Variants in CIT observed in about 807,000 individuals in gnomAD.
CIT encodes citron rho-interacting serine/threonine kinase.
In CIT, 79 loss-of-function variants were observed where a neutral mutation model predicts 272.7. The ratio of observed to expected loss-of-function variants is 0.29; its 90% confidence interval spans 0.24 to 0.35. The LOEUF (loss-of-function observed/expected upper bound fraction) is 0.35. CIT is among the 10% of genes least tolerant of loss of function. The pLI, the probability that CIT is intolerant of heterozygous loss-of-function variation, is 1.00. For synonymous variants in CIT, 948 were observed against 995.6 expected (o/e 0.95, Z 0.90); for missense variants, 1,909 against 2,618.3 (o/e 0.73, Z 5.91).
At position 119,735,177 on chromosome 12, in the gene CIT, G is replaced by A; in HGVS notation, c.3139C>T (p.Leu1047Phe). 6.2e-7 allele frequency: 1 copy of A among 1,613,968 alleles called. No individual in the cohort carries two copies. Among genetic ancestry groups the A allele is most frequent in the Non-Finnish European group, 8.5e-7 (1 of 1,180,004 alleles). ...CTCCTTACTTGCTTCTGGCTGGTAA[G>A]CTGCATCTCTCGTTCCGTGATCTCC... ...RREITEREMQLTSQKQTMEAL... is the reference protein window; with the variant it reads ...RREITEREMQFTSQKQTMEAL... Residue 1047 changes from leucine (L) to phenylalanine (F), a missense_variant, in exon 25 of 48, where the codon CTT becomes TTT. Physicochemically the swap from Leu to Phe is conservative, Grantham distance 22. Coordinates refer to ENST00000392521, the MANE Select transcript of CIT (RefSeq NM_001206999.2).
chr12:119,857,737 C>A (rs374315115), intron 3 of CIT, 39 bp from the exon 4 acceptor site: 37 of 1,527,012 alleles, frequency 2.4e-5, no homozygotes, highest in East Asian at 2.1e-4. Flanking sequence ...GTAAATAAAG[C>A]ATGCAAATAT....
chr12:119,781,446 C>A (rs901460253), intron 13 of CIT, among the ~76,000 whole-genome samples: 11 of 152,110 alleles, frequency 7.2e-5, no homozygotes, highest in African/African-American at 2.7e-4. Context: ...GTTTGTGCTA[C>A]CCAGAGACAG....
chr12:119,714,159 A>C, intron 33 of CIT, 38 bp downstream of exon 33: 1 of 1,607,884 alleles, frequency 6.2e-7, no homozygotes, highest in Non-Finnish European at 8.5e-7. Context: ...CTGGAGATGC[A>C]CAGGTGCCCA....
chr12:119,811,268 CT>C lies in CIT; in HGVS notation c.1112-7880del, dbSNP rs1439836403. 3.3e-5 allele frequency among the ~76,000 whole-genome samples: 5 copies of C among 152,092 alleles called. No individual in the cohort carries two copies. The East Asian group carries it at 7.7e-4, about 23-fold the overall frequency. ...GCAGTCAGCTGTGACTGCATCACTG[CT>C]TTCTAGTCTGGGTAACAAAGCAAGA... On this transcript the variant is annotated intron_variant, in intron 9 of 47. Transcript: ENST00000392521.
rs1955894498 is a variant in CIT, at chr12:119,690,695, T to C, written c.5883-241A>G. Reference sequence around the variant, plus strand: ...TGCAGGCTTTCATTTACTGAGCACCTACTGTGTGCCAGGCCTGTGCTAAGT... The same window carrying C: ...TGCAGGCTTTCATTTACTGAGCACCCACTGTGTGCCAGGCCTGTGCTAAGT... On this transcript the variant is annotated intron_variant, in intron 46 of 47. Transcript: ENST00000392521. This position sits in a 1 kb window ranked among gnomAD's most constrained non-coding sequence, Gnocchi z 6.0. Among the ~76,000 whole-genome samples the C allele has an allele frequency of 2.0e-5, 3 of 152,228 alleles. No homozygotes were observed. The highest frequency in any genetic ancestry group is 2.0e-4 in the Admixed American group (3 of 15,284).
At chr12:119,779,596 T>C (rs1964100896) in intron 13 of CIT, among the ~76,000 whole-genome samples, 1 of 152,188 alleles carries the variant, frequency 6.6e-6, no homozygotes, top group Non-Finnish European at 1.5e-5. Flanking sequence ...ATCTTGAGCA[T>C]CTTTTGTCCT....
intron 10 of CIT, among the ~76,000 whole-genome samples, chr12:119,794,752 G>GGAAGCAGGGAGAAAAAGAGAGTCC (rs1965594759): frequency 1.3e-5 from 2 of 152,304 alleles, no homozygotes; most frequent in East Asian, 3.9e-4. Context: ...TTTATAAGGC[G>GGAAGCAGGGAGAAAAAGAGAGTCC]GAAGCAGGGA....
rs758108437 is a variant in CIT at position 119,832,758 on chromosome 12, T to C, written c.753+13A>G. 2.5e-6 allele frequency: 4 copies of C among 1,600,808 alleles called. No individual in the cohort carries two copies. The Admixed American group carries it at 6.7e-5, about 27-fold the overall frequency. ...GTATAAACTCTATTAAGCTATCTTA[T>C]TCCATTTTTTACCATCTTGTTTGAA... is the stretch of plus-strand genomic sequence containing the variant. On this transcript the variant is annotated intron_variant, in intron 7 of 47. Coordinates refer to ENST00000392521, the MANE Select transcript of CIT (RefSeq NM_001206999.2).
In CIT at chr12:119,710,122, TG is replaced by T; in HGVS notation, c.5071+128del. 1 of 1,025,696 alleles carries T rather than the reference TG, an allele frequency of 9.7e-7. No individual in the cohort carries two copies. 63.5% of individuals were successfully genotyped at this position (1,025,696 alleles called of 1,614,324 possible). On this transcript the variant is annotated intron_variant, in intron 39 of 47. Transcript: ENST00000392521. This position sits in a 1 kb window ranked among gnomAD's most constrained non-coding sequence, Gnocchi z 5.6. ...CCATTAGCTGAGGCTTGGGCATCTA[TG>T]GGGACACAGAGATAAGAGCTACAAC...
chr12:119,782,433 T>C (rs1964383956), intron 13 of CIT, 85 bp downstream of exon 13: 1 of 1,499,128 alleles, frequency 6.7e-7, no homozygotes, highest in African/African-American at 1.4e-5. Flanking sequence ...CCTTTCTTCC[T>C]ATTTCTCTCT....
intron 12 of CIT, 30 bp from the exon 13 acceptor site, chr12:119,782,667 GC>G: frequency 6.2e-7 from 1 of 1,612,286 alleles, no homozygotes; most frequent in South Asian, 1.1e-5. Context: ...TAATAGGGAT[GC>G]CCTGTGGATC....
intron 19 of CIT, among the ~76,000 whole-genome samples, chr12:119,765,408 CAT>C (rs111722021): frequency 4.4e-5 from 6 of 136,060 alleles, no homozygotes; most frequent in African/African-American, 1.7e-4. Context: ...TATTATATAA[CAT>C]ATATATATAT....
Position 119,776,771 on chromosome 12 carries a change from T to C in CIT, c.1737A>G (p.Arg579=), listed in dbSNP as rs1963788469. The C allele has an allele frequency of 6.8e-6, 11 of 1,614,024 alleles. No homozygotes were observed. The East Asian group carries it at 2.5e-4, about 36-fold the overall frequency. ...NQLEEDLVSA[R]RRSDLYESEL... ...CAGATTCGTAGAGATCACTCCGTCT[T>C]CTTGCTGAGACAAGATCCTCTTCCA... Residue 579 remains arginine (R), a synonymous_variant, in exon 14 of 48, where the codon AGA becomes AGG. Coordinates refer to ENST00000392521, the MANE Select transcript of CIT (RefSeq NM_001206999.2).
chr12:119,775,770 A>G lies in CIT; in HGVS notation c.1941+16T>C, dbSNP rs1963691356. On this transcript the variant is annotated intron_variant, in intron 16 of 47. Transcript: ENST00000392521. ...GTGGTGGGGGGTAAGTTCCTGAAAA[A>G]TCACCTTGGGCTTACCTTCTCCAGT... The G allele has an allele frequency of 6.2e-7, 1 of 1,610,230 alleles. No individual in the cohort carries two copies. Among genetic ancestry groups the G allele is most frequent in the Non-Finnish European group, 8.5e-7 (1 of 1,176,782 alleles).
In CIT at chr12:119,735,469, G is replaced by A. The variant is rs112721925; in HGVS notation, c.2959-112C>T. 49 of 1,048,524 alleles carry A rather than the reference G, an allele frequency of 4.7e-5. No individual in the cohort carries two copies. In the East Asian group the frequency reaches 6.8e-4, roughly 15 times the overall value. The allele number at this position is 1,048,524 out of a possible 1,614,324, so 65.0% of individuals were successfully genotyped here. A position where few individuals can be genotyped will look rare whatever the true frequency, so the allele number is the denominator to read the frequency against. On this transcript the variant is annotated intron_variant, in intron 24 of 47. Transcript: ENST00000392521. ...ACGTGACACTGGCAATCAACGTGCC[G>A]CTCATGAGTTTGCCCACCTGACCGT...
intron 4 of CIT, among the ~76,000 whole-genome samples, chr12:119,853,525 C>T (rs915666097): frequency 3.9e-5 from 6 of 152,114 alleles, no homozygotes; most frequent in East Asian, 1.9e-4. Flanking sequence ...ACCATCCTCC[C>T]GCCTTGGCCT....
chr12:119,856,956 C>T (rs1950189244), intron 4 of CIT, among the ~76,000 whole-genome samples: 1 of 152,180 alleles, frequency 6.6e-6, no homozygotes, highest in African/African-American at 2.4e-5. Flanking sequence ...CCAAGGCTGA[C>T]GGCCATCTCT....
intron 22 of CIT, among the ~76,000 whole-genome samples, chr12:119,756,309 G>A (rs1015863985): frequency 6.6e-6 from 1 of 152,204 alleles, no homozygotes; most frequent in African/African-American, 2.4e-5. Flanking sequence ...AGCGAAAGCA[G>A]GGATCTATTA....
At position 119,826,225 on chromosome 12, in the gene CIT, G is replaced by A. The variant is rs959283469; in HGVS notation, c.754-857C>T. Among the ~76,000 whole-genome samples the A allele has an allele frequency of 2.6e-5, 4 of 152,078 alleles. No individual in the cohort carries two copies. In the South Asian group the frequency reaches 8.3e-4, roughly 32 times the overall value. The stretch of plus-strand genomic sequence containing the variant: ...AATTAACTTCCACCCAGGGCCCAAG[G>A]TTAATGAGTTCTTTTTCCTCACCCC... On this transcript the variant is annotated intron_variant, in intron 7 of 47. Transcript: ENST00000392521.
Sources: allele counts gnomAD v4.1 joint callset (sites outside exome capture counted in the v4.1 genomes callset), GRCh38; gene constraint gnomAD v4.1.1; non-coding constraint Gnocchi (gnomAD v3.1); transcripts MANE v1.5; gene names NCBI Gene and HGNC (gene_info 2026-07-23, HGNC 2026-07-21).